Variants in GRM7 observed in about 807,000 individuals in gnomAD.
The protein encoded by GRM7 is glutamate metabotropic receptor 7.
A neutral mutation model predicts 84.5 loss-of-function variants in GRM7; 35 were observed. The ratio of observed to expected loss-of-function variants is 0.41; its 90% CI spans 0.32 to 0.55. GRM7 has a LOEUF of 0.55. GRM7 is among the 20% of genes least tolerant of loss of function. The probability of loss-of-function intolerance (pLI) is 0.19; values close to 1 mark genes in which losing one functional copy is unlikely to be tolerated. For missense variants in GRM7, 1,003 were observed against 1,194.6 expected (o/e 0.84, Z 2.36); for synonymous variants, 487 against 455.1 (o/e 1.07, Z -0.89).
Position 7,314,129 on chromosome 3 carries a change from T to A in GRM7, c.1033+7477T>A, listed in dbSNP as rs530812976. 3.3e-5 allele frequency among the ~76,000 whole-genome samples: 5 copies of A among 152,246 alleles called. No individual in the cohort carries two copies. The South Asian group carries it at 1.0e-3, about 32-fold the overall frequency. On this transcript the variant is annotated intron_variant, in intron 4 of 9. Transcript: ENST00000357716. ...ATAAGCACATCTGACACTGGGTAGA[T>A]TTTTCCTTTAAAATCATTTAATACC...
intron 7 of GRM7, among the ~76,000 whole-genome samples, chr3:7,547,768 CAAGCAAAATAACGA>C (rs1163495406): frequency 2.6e-5 from 4 of 152,108 alleles, no homozygotes; most frequent in African/African-American, 9.7e-5. Flanking sequence ...AAAAAATAGC[CAAGCAAAATAACGA>C]AAGCAAAGAA....
intron 9 of GRM7, among the ~76,000 whole-genome samples, chr3:7,704,577 A>T (rs1377483690): frequency 6.6e-6 from 1 of 152,352 alleles, no homozygotes; most frequent in Admixed American, 6.5e-5. Context: ...CCAAGCTTTA[A>T]GTTTTTAAAA....
intron 7 of GRM7, among the ~76,000 whole-genome samples, chr3:7,488,961 A>T (rs560245755): frequency 1.3e-5 from 2 of 152,160 alleles, no homozygotes; most frequent in East Asian, 3.9e-4. Context: ...AGGGTGATAG[A>T]TGTCACTAAT....
intron 1 of GRM7, among the ~76,000 whole-genome samples, chr3:6,922,891 G>T (rs1367870610): frequency 2.0e-5 from 3 of 152,188 alleles, no homozygotes; most frequent in Non-Finnish European, 4.4e-5. Flanking sequence ...GATAAAGAAT[G>T]TTGAATAAGT....
chr3:7,646,133 GT>G (rs1456855884), intron 8 of GRM7, among the ~76,000 whole-genome samples: 2 of 152,142 alleles, frequency 1.3e-5, no homozygotes, highest in Non-Finnish European at 2.9e-5. Context: ...GGTCACGCCG[GT>G]TTTTTCCCTT....
At chr3:7,392,306 C>T (rs972292280) in intron 4 of GRM7, among the ~76,000 whole-genome samples, 4 of 152,226 alleles carry the variant, frequency 2.6e-5, no homozygotes, top group African/African-American at 4.8e-5. Flanking sequence ...CAGCAACTCT[C>T]CTCCCACTCT....
In GRM7 at chr3:6,996,975, G is replaced by A. The variant is rs1013625137; in HGVS notation, c.519+135068G>A. 5.3e-5 allele frequency among the ~76,000 whole-genome samples: 8 copies of A among 152,244 alleles called. No individual in the cohort carries two copies. In the East Asian group the frequency reaches 1.2e-3, roughly 22 times the overall value. The stretch of plus-strand genomic sequence containing the variant: ...ATACGGAATCCAGATGAAATGCTTC[G>A]GAATGGAAAAGTGTCAGGTACTTGC... On this transcript the variant is annotated intron_variant, in intron 1 of 9. Transcript: ENST00000357716.
chr3:6,912,831 A>G (rs775965410), intron 1 of GRM7, among the ~76,000 whole-genome samples: 14 of 152,284 alleles, frequency 9.2e-5, no homozygotes, highest in Middle Eastern at 3.4e-3. Context: ...GTGATTTGAA[A>G]TTTATGTCAA....
intron 1 of GRM7, among the ~76,000 whole-genome samples, chr3:6,903,813 T>C (rs903340667): frequency 3.9e-5 from 6 of 152,198 alleles, no homozygotes; most frequent in Non-Finnish European, 8.8e-5. Flanking sequence ...CTCTTGGAAA[T>C]CTGGCATATA....
At position 7,502,424 on chromosome 3, in the gene GRM7, G is replaced by A. The variant is rs77695490; in HGVS notation, c.1515+40702G>A. Among the ~76,000 whole-genome samples the A allele has an allele frequency of 2.9e-3, 448 of 152,118 alleles. 16 individuals carry two copies. In the East Asian group the frequency reaches 0.066, roughly 23 times the overall value. ...AAATAAGTCTGTTTTCTCTCCCTAG[G>A]TCTCAGTTTCCTAACATTAAAATGA... On this transcript the variant is annotated intron_variant, in intron 7 of 9. Transcript: ENST00000357716.
intron 9 of GRM7, among the ~76,000 whole-genome samples, chr3:7,695,747 G>A (rs1700992431): frequency 6.6e-6 from 1 of 151,938 alleles, no homozygotes; most frequent in Admixed American, 6.6e-5. Context: ...TACCGCATGG[G>A]GCAGTTATTA....
At chr3:7,692,690 G>A (rs551474895) in intron 9 of GRM7, among the ~76,000 whole-genome samples, 2 of 152,310 alleles carry the variant, frequency 1.3e-5, no homozygotes, top group African/African-American at 4.8e-5. Context: ...CTGACTTAGA[G>A]CAGTGAATTA....
At chr3:6,979,141 G>A (rs1694104791) in intron 1 of GRM7, among the ~76,000 whole-genome samples, 1 of 152,060 alleles carries the variant, frequency 6.6e-6, no homozygotes, top group Non-Finnish European at 1.5e-5. Context: ...TTAATCAAAA[G>A]ACCCACCATT....
intron 4 of GRM7, among the ~76,000 whole-genome samples, chr3:7,329,910 T>G (rs1701135300): frequency 6.6e-6 from 1 of 152,144 alleles, no homozygotes; most frequent in South Asian, 2.1e-4. Context: ...AATTTTCCAG[T>G]TGTGTAGATG....
chr3:7,031,311 G>C (rs1235083003), intron 1 of GRM7, among the ~76,000 whole-genome samples: 1 of 151,912 alleles, frequency 6.6e-6, no homozygotes, highest in Non-Finnish European at 1.5e-5. Context: ...CATTTCCCTT[G>C]ATTTAGTTCA....
At chr3:7,367,634 C>A (rs1229052393) in intron 4 of GRM7, among the ~76,000 whole-genome samples, 1 of 151,222 alleles carries the variant, frequency 6.6e-6, no homozygotes, top group Non-Finnish European at 1.5e-5. Flanking sequence ...AATATCTGAC[C>A]CTCCAAAAAA....
chr3:7,317,093 G>T (rs1700610072), intron 4 of GRM7, among the ~76,000 whole-genome samples: 1 of 152,160 alleles, frequency 6.6e-6, no homozygotes. Context: ...AAGTTAGGCA[G>T]AAGTACTGAG....
chr3:7,317,529 G>A (rs957263982), intron 4 of GRM7, among the ~76,000 whole-genome samples: 22 of 152,058 alleles, frequency 1.4e-4, no homozygotes, highest in African/African-American at 5.3e-4. Flanking sequence ...TTTACTTCTA[G>A]TCCTATAATC....
At chr3:6,868,857 G>A (rs1185111101) in intron 1 of GRM7, among the ~76,000 whole-genome samples, 1 of 152,096 alleles carries the variant, frequency 6.6e-6, no homozygotes, top group African/African-American at 2.4e-5. Context: ...TAAAAGAGCT[G>A]CAGCTTAATA....
Sources: gnomAD v4.1 joint callset for allele counts (sites outside exome capture counted in the v4.1 genomes callset) on GRCh38, gnomAD v4.1.1 for gene constraint, MANE v1.5 for transcripts, NCBI Gene and HGNC (gene_info 2026-07-23, HGNC 2026-07-21) for gene names.